OR7C1: variants seen among roughly 807,000 people sequenced by gnomAD.
OR7C1 encodes the protein olfactory receptor 7C1.
For missense variants in OR7C1, 324 were observed against 383.3 expected, an observed-to-expected ratio of 0.85 and a Z score of 1.29; for synonymous variants, 152 against 160.7, an observed-to-expected ratio of 0.95 and a Z score of 0.41.
intron 1 of OR7C1, chr19:14,828,364 G>T: frequency 8.8e-7 from 1 of 1,140,000 alleles, no homozygotes; most frequent in Non-Finnish European, 1.2e-6. Flanking sequence ...TACATTTTGT[G>T]TATGAATCTG....
At chr19:14,800,628 C>T (rs1320905988) in exon 3 of OR7C1, 2 of 152,726 alleles carry the variant, frequency 1.3e-5, no homozygotes, top group African/African-American at 2.4e-5. Flanking sequence ...CCTGTAAAGG[C>T]GAGCTGCAGA....
At chr19:14,828,247 T>C in intron 1 of OR7C1, 1 of 1,605,890 alleles carries the variant, frequency 6.2e-7, no homozygotes, top group South Asian at 1.1e-5. Context: ...TCCATTTGAT[T>C]GAAGTGACTA....
chr19:14,799,966 G>T, exon 5 of OR7C1: 2 of 1,614,112 alleles, frequency 1.2e-6, no homozygotes, highest in East Asian at 2.2e-5. Flanking sequence ...AGTACATGGG[G>T]GTGTGGAGGT....
intron 2 of OR7C1, among the ~76,000 whole-genome samples, chr19:14,804,739 G>C (rs2044658327): frequency 6.6e-6 from 1 of 151,820 alleles, no homozygotes; most frequent in African/African-American, 2.4e-5. Context: ...ATGTGTAAGT[G>C]GTTTTATTTA....
At position 14,805,406 on chromosome 19, in the gene OR7C1, ATTTTTTTT is replaced by A. The variant is rs33957500; in HGVS notation, c.-435+4392_-435+4399del. Among the ~76,000 whole-genome samples, 7 of 98,102 alleles carry A rather than the reference ATTTTTTTT, an allele frequency of 7.1e-5. No individual in the cohort carries two copies. The East Asian group carries it at 1.6e-3, about 22-fold the overall frequency. The allele number at this position is 98,102 out of a possible 152,430, so 64.4% of individuals were successfully genotyped here. A position where few individuals can be genotyped will look rare whatever the true frequency, so the allele number is the denominator to read the frequency against. On this transcript the variant is annotated intron_variant, in intron 2 of 4. Coordinates refer to ENST00000641666, the Ensembl canonical transcript of OR7C1. ...GCAGGACCCAAGAAACAGGAAAATA[ATTTTTTTT>A]TTTTTTTTTTTTTTTTTTTTAGACA...
At chr19:14,800,035 C>T (rs950895400) in exon 5 of OR7C1, 5 of 1,613,992 alleles carry the variant, frequency 3.1e-6, no homozygotes, top group Non-Finnish European at 4.2e-6. Flanking sequence ...TGACTAGGTA[C>T]ATGGAGAGGA....
rs150451929 is a variant in OR7C1, at chr19:14,805,694, C to T, written c.-435+4112G>A. On this transcript the variant is annotated intron_variant, in intron 2 of 4. Transcript: ENST00000641666. ...CCTCCCAAAGTGCTGGGATTATAGG[C>T]GTGAGCCACCATGCCCGGCCTGGGA... is the stretch of plus-strand genomic sequence containing the variant. Among the ~76,000 whole-genome samples, 23 of 151,984 alleles carry T rather than the reference C, an allele frequency of 1.5e-4. No homozygotes were observed. In the East Asian group the frequency reaches 2.7e-3, roughly 18 times the overall value.
At chr19:14,830,090 T>C (rs1309938850) in intron 1 of OR7C1, among the ~76,000 whole-genome samples, 1 of 152,172 alleles carries the variant, frequency 6.6e-6, no homozygotes, top group African/African-American at 2.4e-5. Context: ...CTTGAACTCC[T>C]GGCCTCAAGT....
intron 1 of OR7C1, among the ~76,000 whole-genome samples, chr19:14,831,271 C>A (rs1335510055): frequency 6.6e-6 from 1 of 152,062 alleles, no homozygotes; most frequent in Non-Finnish European, 1.5e-5. Context: ...AAGAAACATA[C>A]AAACAATGAC....
At chr19:14,821,945 C>T (rs142732302) in intron 1 of OR7C1, among the ~76,000 whole-genome samples, 109 of 152,292 alleles carry the variant, frequency 7.2e-4, no homozygotes, top group African/African-American at 2.4e-3. Flanking sequence ...TCCCCATGTA[C>T]GAGTGTGCAG....
chr19:14,803,699 A>T (rs1184039098), intron 2 of OR7C1, among the ~76,000 whole-genome samples: 1 of 150,850 alleles, frequency 6.6e-6, no homozygotes, highest in African/African-American at 2.4e-5. Flanking sequence ...CTACCTAAAT[A>T]ATAATAATAA....
At chr19:14,830,871 C>A (rs564547895) in intron 1 of OR7C1, among the ~76,000 whole-genome samples, 1 of 152,134 alleles carries the variant, frequency 6.6e-6, no homozygotes, top group Non-Finnish European at 1.5e-5. Context: ...TTCCTGCACC[C>A]GTCTTATCAC....
At chr19:14,810,411 G>C (rs556929439) in intron 1 of OR7C1, among the ~76,000 whole-genome samples, 3 of 150,864 alleles carry the variant, frequency 2.0e-5, no homozygotes, top group Non-Finnish European at 4.4e-5. Flanking sequence ...ATGGAGTCTT[G>C]CTCTGTCGCC....
At chr19:14,815,445 C>T (rs1375971952) in intron 1 of OR7C1, among the ~76,000 whole-genome samples, 1 of 152,160 alleles carries the variant, frequency 6.6e-6, no homozygotes, top group East Asian at 1.9e-4. Context: ...GTCTAGCCAA[C>T]CCATTGAGCA....
intron 1 of OR7C1, among the ~76,000 whole-genome samples, chr19:14,822,680 C>T (rs1018600729): frequency 2.0e-5 from 3 of 152,102 alleles, no homozygotes; most frequent in Non-Finnish European, 4.4e-5. Context: ...CCGCACCCAG[C>T]CACCTGCCTT....
chr19:14,830,418 AG>A (rs1370396083), intron 1 of OR7C1, among the ~76,000 whole-genome samples: 37 of 151,704 alleles, frequency 2.4e-4, no homozygotes, highest in African/African-American at 8.5e-4. Flanking sequence ...ATACATTGCA[AG>A]GGTGCAACGG....
chr19:14,824,839 A>C (rs2145072457), intron 1 of OR7C1: 1 of 152,356 alleles, frequency 6.6e-6, no homozygotes, highest in Middle Eastern at 3.4e-3. Flanking sequence ...CATTCCCACC[A>C]ACAGTGTATA....
At chr19:14,803,319 A>G (rs995651168) in intron 2 of OR7C1, among the ~76,000 whole-genome samples, 6 of 151,404 alleles carry the variant, frequency 4.0e-5, no homozygotes, top group Admixed American at 2.6e-4. Context: ...AAAAAAAAAA[A>G]AAAAAAAGAA....
intron 1 of OR7C1, among the ~76,000 whole-genome samples, chr19:14,815,732 G>C (rs1168778385): frequency 1.3e-5 from 2 of 152,006 alleles, no homozygotes. Flanking sequence ...AATGCTTTTT[G>C]ATGATCCTAA....
Sources: gnomAD v4.1 joint callset for allele counts (sites outside exome capture counted in the v4.1 genomes callset) on GRCh38, gnomAD v4.1.1 for gene constraint, MANE v1.5 for transcripts, NCBI Gene and HGNC (gene_info 2026-07-23, HGNC 2026-07-21) for gene names.